The following ARRB1 variants were observed in gnomAD, a reference collection of about 807,000 sequenced individuals.
ARRB1 encodes the protein beta-arrestin-1.
In ARRB1, 21 loss-of-function variants were observed where a neutral mutation model predicts 56.8. The ratio of observed to expected loss-of-function variants is 0.37; its 90% confidence interval spans 0.26 to 0.53. The LOEUF is 0.53. ARRB1 is among the 20% of genes least tolerant of loss of function. ARRB1 has a pLI of 0.88. For missense variants in ARRB1, 424 were observed against 553.7 expected (o/e 0.77, Z 2.35); for synonymous variants, 210 against 218.6 (o/e 0.96, Z 0.35).
chr11:75,316,324 C>CAA (rs11361682), intron 1 of ARRB1, among the ~76,000 whole-genome samples: 27 of 116,112 alleles, frequency 2.3e-4, no homozygotes, highest in Non-Finnish European at 4.1e-4. Context: ...GAGACTCTGT[C>CAA]AAAAAAAAAA....
chr11:75,313,961 G>A (rs1947217775), intron 1 of ARRB1, among the ~76,000 whole-genome samples: 1 of 152,148 alleles, frequency 6.6e-6, no homozygotes, highest in Non-Finnish European at 1.5e-5. Flanking sequence ...ACCTGATCAC[G>A]TGCCTCCTCT....
intron 7 of ARRB1, 130 bp downstream of exon 7, chr11:75,280,945 C>T (rs1946319602): frequency 2.1e-5 from 24 of 1,131,404 alleles, no homozygotes; most frequent in Non-Finnish European, 3.0e-5. Context: ...CCAGAGTGCC[C>T]TTCCAAGGCT....
At chr11:75,319,592 C>T (rs559376678) in intron 1 of ARRB1, among the ~76,000 whole-genome samples, 2 of 152,304 alleles carry the variant, frequency 1.3e-5, no homozygotes, top group South Asian at 4.1e-4. Context: ...GGTCACCCTG[C>T]GATTTCCTGG....
intron 1 of ARRB1, among the ~76,000 whole-genome samples, chr11:75,345,069 C>T (rs1476732377): frequency 6.6e-6 from 1 of 152,170 alleles, no homozygotes; most frequent in Non-Finnish European, 1.5e-5. Flanking sequence ...GGCAGAAGCT[C>T]AACTGTGGCC....
chr11:75,269,389 G>A (rs750068136), intron 13 of ARRB1, among the ~76,000 whole-genome samples: 52 of 151,628 alleles, frequency 3.4e-4, no homozygotes, highest in Non-Finnish European at 5.7e-4. Context: ...CCACCCTCAC[G>A]CCATCCCATC....
intron 2 of ARRB1, among the ~76,000 whole-genome samples, chr11:75,287,917 C>A (rs990771339): frequency 2.6e-5 from 4 of 152,126 alleles, no homozygotes; most frequent in Middle Eastern, 6.8e-3. Flanking sequence ...GCCTGGAGTG[C>A]AATGGCGCGA....
intron 5 of ARRB1, 68 bp downstream of exon 5, chr11:75,283,219 G>T: frequency 6.7e-7 from 1 of 1,497,106 alleles, no homozygotes; most frequent in Non-Finnish European, 9.0e-7. Flanking sequence ...GCCCTCTTAT[G>T]CCCACCCCAG....
chr11:75,267,541 G>A, intron 15 of ARRB1, 111 bp downstream of exon 15: 2 of 1,129,500 alleles, frequency 1.8e-6, no homozygotes, highest in Non-Finnish European at 2.6e-6. Flanking sequence ...TCAGCAGACG[G>A]GGTTAGACCA....
At chr11:75,288,882 T>A (rs1390234956) in intron 2 of ARRB1, among the ~76,000 whole-genome samples, 1 of 152,180 alleles carries the variant, frequency 6.6e-6, no homozygotes, top group Non-Finnish European at 1.5e-5. Flanking sequence ...CGTGAGCCAC[T>A]GTGACCAGCC....
intron 1 of ARRB1, among the ~76,000 whole-genome samples, chr11:75,326,730 T>TC (rs1947441838): frequency 2.7e-5 from 4 of 148,938 alleles, no homozygotes; most frequent in African/African-American, 7.4e-5. Context: ...CTGTCTTTTT[T>TC]TTTTTTTTTT....
At chr11:75,298,123 A>T (rs1465350782) in intron 1 of ARRB1, among the ~76,000 whole-genome samples, 1 of 151,708 alleles carries the variant, frequency 6.6e-6, no homozygotes, top group Non-Finnish European at 1.5e-5. Flanking sequence ...GGATAGCATT[A>T]GGAGAAATAT....
At chr11:75,323,968 GA>G (rs1003730499) in intron 1 of ARRB1, among the ~76,000 whole-genome samples, 39 of 150,688 alleles carry the variant, frequency 2.6e-4, no homozygotes, top group African/African-American at 5.8e-4. Flanking sequence ...AGATACTGAA[GA>G]AAAAAAAACG....
intron 7 of ARRB1, among the ~76,000 whole-genome samples, chr11:75,279,428 A>T (rs1213253093): frequency 1.3e-5 from 2 of 151,820 alleles, no homozygotes; most frequent in East Asian, 3.9e-4. Flanking sequence ...GCAAATGAGG[A>T]TCTGGTGAGG....
At chr11:75,336,168 C>T (rs1454640474) in intron 1 of ARRB1, among the ~76,000 whole-genome samples, 1 of 152,174 alleles carries the variant, frequency 6.6e-6, no homozygotes, top group Non-Finnish European at 1.5e-5. Flanking sequence ...GAAGAAGAGG[C>T]CTCCAGCTAC....
chr11:75,348,878 CCG>C (rs1460191682), intron 1 of ARRB1, among the ~76,000 whole-genome samples: 13 of 152,220 alleles, frequency 8.5e-5, no homozygotes, highest in African/African-American at 3.1e-4. Context: ...GCGTGAACCA[CCG>C]CGCACAGCCC....
chr11:75,305,935 A>C (rs1947017379), intron 1 of ARRB1, among the ~76,000 whole-genome samples: 1 of 152,102 alleles, frequency 6.6e-6, no homozygotes, highest in African/African-American at 2.4e-5. Flanking sequence ...TGACAAACAC[A>C]AGCAAAAGAA....
intron 13 of ARRB1, chr11:75,270,995 G>A (rs1186402625): frequency 1.3e-5 from 2 of 151,800 alleles, no homozygotes; most frequent in Non-Finnish European, 2.9e-5. Flanking sequence ...ACATTTTAGT[G>A]GAAGAATCTG....
intron 1 of ARRB1, among the ~76,000 whole-genome samples, chr11:75,328,009 G>A (rs926774971): frequency 6.6e-6 from 1 of 152,174 alleles, no homozygotes; most frequent in African/African-American, 2.4e-5. Flanking sequence ...CATTCACAAC[G>A]TTGTGCAAAA....
chr11:75,315,273 G>A (rs937735092), intron 1 of ARRB1, among the ~76,000 whole-genome samples: 4 of 151,946 alleles, frequency 2.6e-5, no homozygotes, highest in Non-Finnish European at 5.9e-5. Flanking sequence ...ACCTCCTCCT[G>A]GTGACCACCT....
Sources: gnomAD v4.1 joint callset for allele counts (sites outside exome capture counted in the v4.1 genomes callset) on GRCh38, gnomAD v4.1.1 for gene constraint, MANE v1.5 for transcripts, NCBI Gene and HGNC (gene_info 2026-07-23, HGNC 2026-07-21) for gene names.